The following PEMT variants were observed in gnomAD, a reference collection of about 807,000 sequenced individuals.
PEMT encodes phosphatidylethanolamine N-methyltransferase, also known as phospholipid methyltransferase.
In PEMT, 23 loss-of-function variants were observed where a neutral mutation model predicts 27.4. The observed-to-expected ratio is 0.84, with a 90% CI of 0.60 to 1.19. PEMT has a LOEUF of 1.19. Ranked by LOEUF, PEMT falls within the 50% of genes most tolerant of loss-of-function variation. The pLI is 0.00. For synonymous variants in PEMT, 137 were observed against 139.1 expected, an observed-to-expected ratio of 0.98 and a Z score of 0.11; for missense variants, 307 against 310.1, an observed-to-expected ratio of 0.99 and a Z score of 0.07.
At chr17:17,586,270 AAGAAAGAAAGAAAGAAAG>A (rs1912287719) in intron 1 of PEMT, among the ~76,000 whole-genome samples, 6 of 116,900 alleles carry the variant, frequency 5.1e-5, no homozygotes, top group Middle Eastern at 3.9e-3. Context: ...GAAAGAAAGA[AAGAAAGAAAGAAAGAAAG>A]AAAAAAAAAA....
chr17:17,584,343 T>G (rs546117453), intron 1 of PEMT, among the ~76,000 whole-genome samples: 1 of 152,146 alleles, frequency 6.6e-6, no homozygotes, highest in Non-Finnish European at 1.5e-5. Flanking sequence ...GTATTTTTAG[T>G]AGAGACAGGG....
At chr17:17,514,946 C>G (rs1906707004) in intron 3 of PEMT, among the ~76,000 whole-genome samples, 1 of 152,164 alleles carries the variant, frequency 6.6e-6, no homozygotes, top group Non-Finnish European at 1.5e-5. Flanking sequence ...GGAGGTGTGC[C>G]TTAGAGTCTG....
At chr17:17,526,536 G>T (rs903481392) in intron 2 of PEMT, among the ~76,000 whole-genome samples, 3 of 152,220 alleles carry the variant, frequency 2.0e-5, no homozygotes, top group African/African-American at 7.2e-5. Flanking sequence ...ATGTGAGAGC[G>T]CCCGTCTCTC....
At chr17:17,554,741 G>A (rs960817667) in intron 2 of PEMT, among the ~76,000 whole-genome samples, 3 of 151,884 alleles carry the variant, frequency 2.0e-5, no homozygotes, top group Non-Finnish European at 2.9e-5. Context: ...TCAGCCTCCC[G>A]AGTAGCTGGG....
chr17:17,556,933 A>C (rs1333074124), intron 2 of PEMT, among the ~76,000 whole-genome samples: 1 of 152,164 alleles, frequency 6.6e-6, no homozygotes, highest in Non-Finnish European at 1.5e-5. Flanking sequence ...TCTTCAGCCA[A>C]GCACAGGATG....
chr17:17,586,291 A>AGG (rs1219939322), intron 1 of PEMT, among the ~76,000 whole-genome samples: 1 of 112,150 alleles, frequency 8.9e-6, no homozygotes, highest in African/African-American at 7.1e-5. Flanking sequence ...AAAGAAAGAA[A>AGG]AAAAAAAACG....
At chr17:17,567,664 G>A (rs1182388172) in intron 2 of PEMT, among the ~76,000 whole-genome samples, 1 of 152,260 alleles carries the variant, frequency 6.6e-6, no homozygotes, top group Non-Finnish European at 1.5e-5. Context: ...GTCCAGCTGT[G>A]AGCACAGCCC....
At chr17:17,567,057 A>G (rs1050521211) in intron 2 of PEMT, among the ~76,000 whole-genome samples, 1 of 152,190 alleles carries the variant, frequency 6.6e-6, no homozygotes, top group Non-Finnish European at 1.5e-5. Flanking sequence ...CATGCTGTAA[A>G]TGCCAGAACC....
intron 2 of PEMT, among the ~76,000 whole-genome samples, chr17:17,564,456 G>T (rs1314799175): frequency 6.6e-6 from 1 of 152,012 alleles, no homozygotes; most frequent in Non-Finnish European, 1.5e-5. Flanking sequence ...TTTGATTTTA[G>T]CCCAGGAAAC....
At chr17:17,572,403 G>A (rs906732260) in intron 2 of PEMT, among the ~76,000 whole-genome samples, 1 of 152,196 alleles carries the variant, frequency 6.6e-6, no homozygotes, top group Non-Finnish European at 1.5e-5. Context: ...TCTCCGTCCT[G>A]CTCCTCCATT....
intron 2 of PEMT, among the ~76,000 whole-genome samples, chr17:17,557,221 C>A (rs537240860): frequency 6.6e-6 from 1 of 152,308 alleles, no homozygotes; most frequent in Middle Eastern, 3.4e-3. Context: ...CTGGCTGATT[C>A]TTGCCGCCAC....
chr17:17,539,849 C>T (rs935045070), intron 2 of PEMT, among the ~76,000 whole-genome samples: 2 of 152,218 alleles, frequency 1.3e-5, no homozygotes, highest in African/African-American at 4.8e-5. Flanking sequence ...TGTGCCCCAC[C>T]CATGCACTGG....
intron 5 of PEMT, chr17:17,506,868 C>A (rs943005264): frequency 4.8e-5 from 21 of 441,850 alleles, no homozygotes; most frequent in African/African-American, 4.0e-4. Flanking sequence ...GCCGCCCCGC[C>A]CAGCCCTCAA....
At chr17:17,565,277 A>AGCCAGCCCAGGCTC (rs1910756925) in intron 2 of PEMT, 1 of 152,808 alleles carries the variant, frequency 6.5e-6, no homozygotes, top group Non-Finnish European at 1.5e-5. Flanking sequence ...GGGTCCCCAC[A>AGCCAGCCCAGGCTC]GCCAGCCCAG....
chr17:17,511,657 G>A (rs984901560), intron 4 of PEMT, among the ~76,000 whole-genome samples: 1 of 152,222 alleles, frequency 6.6e-6, no homozygotes, highest in East Asian at 1.9e-4. Context: ...GGAGGAAGAC[G>A]TGGGCCTTCC....
chr17:17,570,517 C>G (rs531597815), intron 2 of PEMT: 1 of 985,310 alleles, frequency 1.0e-6, no homozygotes, highest in East Asian at 1.1e-4. Context: ...AACCCTGAGT[C>G]AGAGAGGGCA....
rs1911126630 is a variant in PEMT at position 17,570,609 on chromosome 17, C to A, written c.204+6311G>T. The A allele has an allele frequency of 1.0e-5, 10 of 985,314 alleles. No homozygotes were observed. In the South Asian group the frequency reaches 4.7e-4, roughly 46 times the overall value. 61.0% of individuals were successfully genotyped at this position (985,314 alleles called of 1,614,324 possible). ...ACAAAGGTCTGTGGGCAGCCTTGCA[C>A]AAGAGAAGCCAGATCACCCAGAAAG... On this transcript the variant is annotated intron_variant, in intron 2 of 6. Coordinates refer to ENST00000255389, the MANE Select transcript of PEMT (RefSeq NM_148172.3).
intron 3 of PEMT, among the ~76,000 whole-genome samples, chr17:17,517,724 G>A (rs888993889): frequency 6.6e-6 from 1 of 152,210 alleles, no homozygotes; most frequent in Non-Finnish European, 1.5e-5. Flanking sequence ...CCTGCCCCAC[G>A]GCCTCTAGTA....
chr17:17,577,493 G>A (rs1312913810), intron 1 of PEMT: 2 of 1,014,990 alleles, frequency 2.0e-6, no homozygotes, highest in African/African-American at 1.7e-5. Flanking sequence ...AATCTTGAGT[G>A]CACACGAGGG....
Sources: allele counts gnomAD v4.1 joint callset (sites outside exome capture counted in the v4.1 genomes callset), GRCh38; gene constraint gnomAD v4.1.1; transcripts MANE v1.5; gene names NCBI Gene and HGNC (gene_info 2026-07-23, HGNC 2026-07-21).